Variants in DLGAP2 observed in about 807,000 individuals in gnomAD.
DLGAP2 encodes the protein DLG associated protein 2, also known as disks large-associated protein 2.
In DLGAP2, 26 loss-of-function variants were observed where a neutral mutation model predicts 100.3. The ratio of observed to expected loss-of-function variants is 0.26; its 90% CI spans 0.19 to 0.36. The LOEUF is 0.36. Among genes scored for constraint, DLGAP2 ranks in the 10% least tolerant of loss-of-function variants. The probability of loss-of-function intolerance (pLI) is 1.00; values close to 1 mark genes in which losing one functional copy is unlikely to be tolerated. For missense variants in DLGAP2, 1,858 were observed against 1,453.2 expected (o/e 1.28, Z -4.53); for synonymous variants, 886 against 630.1 (o/e 1.41, Z -6.08).
intron 3 of DLGAP2, among the ~76,000 whole-genome samples, chr8:1,482,496 A>T (rs899225879): frequency 2.2e-4 from 33 of 152,268 alleles, no homozygotes; most frequent in African/African-American, 8.0e-4. Flanking sequence ...TGAGTAATTT[A>T]TATGCATTTT....
chr8:1,433,738 C>CTTTTT (rs3052055), intron 3 of DLGAP2, among the ~76,000 whole-genome samples: 1,290 of 124,136 alleles, frequency 0.01, 59 homozygotes, highest in African/African-American at 0.03. Flanking sequence ...GCAAAACTGG[C>CTTTTT]TTTTTTTTTT....
chr8:1,072,280 G>C (rs1441712821), intron 2 of DLGAP2, among the ~76,000 whole-genome samples: 1 of 152,062 alleles, frequency 6.6e-6, no homozygotes, highest in Non-Finnish European at 1.5e-5. Flanking sequence ...CTTCCATCGG[G>C]GATGGTAGAC....
rs867345471 is a variant in DLGAP2 at position 1,523,968 on chromosome 8, A to T, written c.172+22537A>T. ...GGAAAACAAACATCTGAGGTCCAGA[A>T]TTCGTTTGGAGACTCCGCCGCAAGT... On this transcript the variant is annotated intron_variant, in intron 4 of 14. Transcript: ENST00000637795. Among the ~76,000 whole-genome samples, 6 of 152,324 alleles carry T rather than the reference A, an allele frequency of 3.9e-5. No individual in the cohort carries two copies. In the South Asian group the frequency reaches 1.2e-3, roughly 32 times the overall value.
intron 2 of DLGAP2, among the ~76,000 whole-genome samples, chr8:1,190,425 G>A (rs903814882): frequency 6.6e-6 from 1 of 151,846 alleles, no homozygotes; most frequent in African/African-American, 2.4e-5. Context: ...GGCATCTGCT[G>A]TTGGGGCATC....
intron 3 of DLGAP2, among the ~76,000 whole-genome samples, chr8:1,340,457 G>A (rs1801393592): frequency 6.6e-6 from 1 of 152,224 alleles, no homozygotes; most frequent in Non-Finnish European, 1.5e-5. Context: ...CATATGTGCA[G>A]CCAGCAGTCG....
chr8:1,466,887 T>A (rs1798642082), intron 3 of DLGAP2, among the ~76,000 whole-genome samples: 1 of 152,194 alleles, frequency 6.6e-6, no homozygotes, highest in South Asian at 2.1e-4. Flanking sequence ...TTTTCTTTTT[T>A]TTTCCCTTAA....
chr8:1,465,088 G>A (rs1030477295), intron 3 of DLGAP2, among the ~76,000 whole-genome samples: 1 of 152,222 alleles, frequency 6.6e-6, no homozygotes, highest in Non-Finnish European at 1.5e-5. Flanking sequence ...CCCTAATTCA[G>A]CACATTCACC....
At chr8:1,168,914 T>G (rs1198939720) in intron 2 of DLGAP2, among the ~76,000 whole-genome samples, 8 of 125,256 alleles carry the variant, frequency 6.4e-5, no homozygotes, top group Non-Finnish European at 1.2e-4. Context: ...TTTTGGCTTT[T>G]GTTGCCATTG....
chr8:1,059,896 G>A (rs1264326154), intron 2 of DLGAP2, among the ~76,000 whole-genome samples: 1 of 152,188 alleles, frequency 6.6e-6, no homozygotes, highest in Non-Finnish European at 1.5e-5. Flanking sequence ...ATCGCATTCT[G>A]TGTGGCCCCG....
Position 890,094 on chromosome 8 carries a change from A to G in DLGAP2, c.19-17818A>G, listed in dbSNP as rs77263188. 8.9e-3 allele frequency among the ~76,000 whole-genome samples: 1,354 copies of G among 152,128 alleles called. 8 individuals are homozygous for G. The highest frequency in any genetic ancestry group is 0.013 in the Non-Finnish European group (850 of 67,982). ...CACGCCAGCCTTCTAGTGAAGTTTGATGAGAGAACCTGGATACCTTGGCTG... is the reference window on the plus strand; with the variant it reads ...CACGCCAGCCTTCTAGTGAAGTTTGGTGAGAGAACCTGGATACCTTGGCTG... On this transcript the variant is annotated intron_variant, in intron 1 of 14. Coordinates refer to ENST00000637795, the MANE Select transcript of DLGAP2 (RefSeq NM_001346810.2).
At chr8:1,048,546 G>A (rs929811013) in intron 2 of DLGAP2, among the ~76,000 whole-genome samples, 3 of 151,598 alleles carry the variant, frequency 2.0e-5, no homozygotes, top group Non-Finnish European at 2.9e-5. Flanking sequence ...ACAATGTCCC[G>A]TCTCTTCTGC....
At position 1,214,037 on chromosome 8, in the gene DLGAP2, C is replaced by G. The variant is rs568302530; in HGVS notation, c.74-44814C>G. ...GCTGTGGTCTCTGTGCCTCCCTTGTCCACAGCCGCCTGTCCTCACCTCCAT... is the reference window on the plus strand; with the variant it reads ...GCTGTGGTCTCTGTGCCTCCCTTGTGCACAGCCGCCTGTCCTCACCTCCAT... On this transcript the variant is annotated intron_variant, in intron 2 of 14. Transcript: ENST00000637795. Among the ~76,000 whole-genome samples the G allele has an allele frequency of 5.8e-4, 88 of 152,150 alleles. 1 individual carries two copies. Among genetic ancestry groups the G allele is most frequent in the Non-Finnish European group, 1.5e-4 (10 of 68,022 alleles).
chr8:1,255,296 G>C (rs1374176393), intron 2 of DLGAP2, among the ~76,000 whole-genome samples: 1 of 103,014 alleles, frequency 9.7e-6, no homozygotes, highest in Admixed American at 9.1e-5. Flanking sequence ...GGTGCTGTGT[G>C]TGTGCCCTCT....
chr8:1,700,770 C>T (rs1799542685), intron 14 of DLGAP2, among the ~76,000 whole-genome samples: 1 of 152,160 alleles, frequency 6.6e-6, no homozygotes, highest in African/African-American at 2.4e-5. Flanking sequence ...CTGCAGAAAA[C>T]CCTGCAGTGT....
chr8:821,262 C>T (rs780966300), intron 1 of DLGAP2, among the ~76,000 whole-genome samples: 13 of 152,092 alleles, frequency 8.5e-5, no homozygotes, highest in Non-Finnish European at 1.8e-4. Flanking sequence ...GTTCAGCAGC[C>T]CTGACCTTCA....
chr8:1,192,049 C>T (rs974783289), intron 2 of DLGAP2, among the ~76,000 whole-genome samples: 1 of 152,180 alleles, frequency 6.6e-6, no homozygotes, highest in Admixed American at 6.5e-5. Flanking sequence ...TAGCCGCTGC[C>T]AGCCTCCCAG....
chr8:989,837 G>T (rs1800604070), intron 2 of DLGAP2, among the ~76,000 whole-genome samples: 1 of 152,136 alleles, frequency 6.6e-6, no homozygotes, highest in African/African-American at 2.4e-5. Flanking sequence ...GGCTTTGGAG[G>T]AAGTCTCTCA....
rs1800313455 is a variant in DLGAP2, at chr8:1,515,025, A to T, written c.172+13594A>T. ...GGGAGACCGACATGGAGGGAGACCG[A>T]CGTGCAGGGAGACCAACGTGCAGGG... On this transcript the variant is annotated intron_variant, in intron 4 of 14. Coordinates refer to ENST00000637795, the MANE Select transcript of DLGAP2 (RefSeq NM_001346810.2). Among the ~76,000 whole-genome samples the T allele has an allele frequency of 4.6e-5, 7 of 151,422 alleles. No homozygotes were observed. In the South Asian group the frequency reaches 1.5e-3, roughly 32 times the overall value.
chr8:1,180,045 G>T (rs573108027), intron 2 of DLGAP2, among the ~76,000 whole-genome samples: 21 of 152,204 alleles, frequency 1.4e-4, no homozygotes, highest in Non-Finnish European at 2.6e-4. Flanking sequence ...GAATGGAGAA[G>T]CACTGGCAAA....
Sources: allele counts gnomAD v4.1 joint callset (sites outside exome capture counted in the v4.1 genomes callset), GRCh38; gene constraint gnomAD v4.1.1; transcripts MANE v1.5; gene names NCBI Gene and HGNC (gene_info 2026-07-23, HGNC 2026-07-21).